Variants in BAZ2B observed in about 807,000 individuals in gnomAD.
BAZ2B encodes bromodomain adjacent to zinc finger domain protein 2B.
Under a neutral mutation model 246.0 loss-of-function variants are expected in BAZ2B, and 91 were observed. That is an observed-to-expected ratio of 0.37 (90% CI 0.31 to 0.44). The LOEUF is 0.44. Among genes scored for constraint, BAZ2B ranks in the 20% least tolerant of loss-of-function variants. BAZ2B has a pLI of 1.00. For synonymous variants in BAZ2B, 855 were observed against 860.0 expected (o/e 0.99, Z 0.10); for missense variants, 2,332 against 2,533.7 (o/e 0.92, Z 1.71).
chr2:159,526,617 C>G (rs1354776501), intron 2 of BAZ2B, among the ~76,000 whole-genome samples: 1 of 152,048 alleles, frequency 6.6e-6, no homozygotes, highest in Admixed American at 6.6e-5. Flanking sequence ...GTTTTGTTTG[C>G]ACTTCTGTTT....
intron 23 of BAZ2B, among the ~76,000 whole-genome samples, chr2:159,384,616 A>C (rs925885817): frequency 4.6e-5 from 7 of 152,164 alleles, no homozygotes; most frequent in Non-Finnish European, 1.0e-4. Flanking sequence ...TTTACTAGTA[A>C]CAAGTACTAG....
At chr2:159,549,204 C>T (rs1414921140) in intron 2 of BAZ2B, among the ~76,000 whole-genome samples, 1 of 152,114 alleles carries the variant, frequency 6.6e-6, no homozygotes, top group East Asian at 1.9e-4. Flanking sequence ...CTGCTTGAAC[C>T]TGGGAGGCGG....
At chr2:159,517,402 CAAAA>C (rs908919207) in intron 2 of BAZ2B, among the ~76,000 whole-genome samples, 20 of 151,220 alleles carry the variant, frequency 1.3e-4, no homozygotes, top group Non-Finnish European at 2.7e-4. Context: ...ATCAAACAAA[CAAAA>C]AACCCAACTC....
intron 1 of BAZ2B, among the ~76,000 whole-genome samples, chr2:159,566,433 T>C (rs1460405789): frequency 6.6e-6 from 1 of 152,188 alleles, no homozygotes; most frequent in Non-Finnish European, 1.5e-5. Flanking sequence ...TTAGACTGAA[T>C]CAACCTTAGA....
In BAZ2B at chr2:159,383,513, A is replaced by G. The variant is rs2062254412; in HGVS notation, c.3761+93T>C. On this transcript the variant is annotated intron_variant, in intron 24 of 36. Transcript: ENST00000392783. ...AGCATTATCTTTTCTTTAGACAATAAAAGTTTAAATTCTATCTTTGCAATT... is the reference window on the plus strand; with the variant it reads ...AGCATTATCTTTTCTTTAGACAATAGAAGTTTAAATTCTATCTTTGCAATT... 1.8e-6 allele frequency: 2 copies of G among 1,101,576 alleles called. 1 individual carries two copies. The highest frequency in any genetic ancestry group is 2.7e-6 in the Non-Finnish European group (2 of 751,268). 68.2% of individuals were successfully genotyped at this position (1,101,576 alleles called of 1,614,324 possible). A position where few individuals can be genotyped will look rare whatever the true frequency, so the allele number is the denominator to read the frequency against.
chr2:159,570,424 G>A (rs573858631), intron 1 of BAZ2B, among the ~76,000 whole-genome samples: 63 of 152,160 alleles, frequency 4.1e-4, no homozygotes, highest in Admixed American at 3.6e-3. Flanking sequence ...CTCGTGATCC[G>A]CCCGCCTCGG....
intron 31 of BAZ2B, among the ~76,000 whole-genome samples, chr2:159,342,433 G>A (rs557887020): frequency 3.3e-5 from 5 of 152,252 alleles, no homozygotes; most frequent in South Asian, 4.1e-4. Context: ...CTATAGGCAC[G>A]TGTCACTACG....
intron 13 of BAZ2B, among the ~76,000 whole-genome samples, chr2:159,418,094 T>C (rs1228216198): frequency 6.6e-6 from 1 of 152,070 alleles, no homozygotes; most frequent in Non-Finnish European, 1.5e-5. Context: ...CTAAAGAACA[T>C]GGAAAAGGGA....
Position 159,432,885 on chromosome 2 carries a change from A to G in BAZ2B, c.1772T>C (p.Phe591Ser). 3 of 1,614,082 alleles carry G rather than the reference A, an allele frequency of 1.9e-6. No individual in the cohort carries two copies. The highest frequency in any genetic ancestry group is 2.5e-6 in the Non-Finnish European group (3 of 1,180,014). Residue 591 changes from phenylalanine to serine, a missense_variant, in exon 9 of 37, where the codon TTC becomes TCC. This residue lies in a region of BAZ2B where 651 missense variants were observed against 650.9 expected (regional missense o/e 1.00). Transcript: ENST00000392783. ...GGGAATGTCTGAATCTGTTCCTCTGAATTGTTCCACTAAAGATTTTGCAGG... is the reference window on the plus strand; with the variant it reads ...GGGAATGTCTGAATCTGTTCCTCTGGATTGTTCCACTAAAGATTTTGCAGG... ...SHPAKSLVEQFRGTDSDIPSS... is the reference protein window; with the variant it reads ...SHPAKSLVEQSRGTDSDIPSS...
chr2:159,515,894 TAG>T (rs1276673817), intron 2 of BAZ2B, among the ~76,000 whole-genome samples: 2 of 152,118 alleles, frequency 1.3e-5, no homozygotes, highest in South Asian at 2.1e-4. Flanking sequence ...AAGATAAAAT[TAG>T]AGTTTATCCA....
chr2:159,532,487 C>A (rs2151326304), intron 2 of BAZ2B, among the ~76,000 whole-genome samples: 1 of 152,240 alleles, frequency 6.6e-6, no homozygotes, highest in East Asian at 1.9e-4. Flanking sequence ...CTCATGGCCT[C>A]AAACTGCGGA....
chr2:159,428,625 A>G (rs2070451889), intron 11 of BAZ2B, among the ~76,000 whole-genome samples: 1 of 152,158 alleles, frequency 6.6e-6, no homozygotes, highest in Non-Finnish European at 1.5e-5. Context: ...TTCAATTTAT[A>G]TATTAAACTC....
intron 2 of BAZ2B, among the ~76,000 whole-genome samples, chr2:159,491,107 T>A (rs1022026516): frequency 6.6e-6 from 1 of 152,290 alleles, no homozygotes; most frequent in Non-Finnish European, 1.5e-5. Context: ...CTGAGGGTCA[T>A]ATTAACCTTA....
chr2:159,698,436 T>A, the BAZ2B span, among the ~76,000 whole-genome samples: 1 of 149,224 alleles, frequency 6.7e-6, no homozygotes, highest in Non-Finnish European at 1.5e-5. Context: ...CCCAGGAGTT[T>A]GAGGCTGCAG....
intron 1 of BAZ2B, among the ~76,000 whole-genome samples, chr2:159,598,486 T>A (rs1302005991): frequency 6.6e-6 from 1 of 152,230 alleles, no homozygotes; most frequent in Non-Finnish European, 1.5e-5. Context: ...GAGAAATCCC[T>A]GGGAATGTGT....
chr2:159,521,956 T>C (rs746611747), intron 2 of BAZ2B, among the ~76,000 whole-genome samples: 1 of 152,052 alleles, frequency 6.6e-6, no homozygotes, highest in Non-Finnish European at 1.5e-5. Flanking sequence ...AAAGTCACTT[T>C]TGTAATAATA....
At chr2:159,386,757 G>T in intron 21 of BAZ2B, 150 bp from the exon 22 acceptor site, 7 of 887,538 alleles carry the variant, frequency 7.9e-6, no homozygotes, top group Non-Finnish European at 1.2e-5. Context: ...AATTCTCTGG[G>T]GGCATTTCTG....
intron 4 of BAZ2B, among the ~76,000 whole-genome samples, chr2:159,448,881 C>A (rs967016029): frequency 2.0e-5 from 3 of 152,080 alleles, no homozygotes; most frequent in African/African-American, 7.2e-5. Context: ...CTATTGTAAT[C>A]CACTATATCT....
the BAZ2B span, among the ~76,000 whole-genome samples, chr2:159,632,768 T>C: frequency 2.9e-3 from 438 of 152,304 alleles, no homozygotes; most frequent in Middle Eastern, 0.044. Context: ...AATGAGGAAA[T>C]AATCTTCCAA....
Sources: allele counts gnomAD v4.1 joint callset (sites outside exome capture counted in the v4.1 genomes callset), GRCh38; gene constraint gnomAD v4.1.1; regional missense constraint gnomAD v4.1.1; transcripts MANE v1.5; gene names NCBI Gene and HGNC (gene_info 2026-07-23, HGNC 2026-07-21).